MACROD1: variants seen among roughly 807,000 people sequenced by gnomAD.
MACROD1 encodes mono-ADP ribosylhydrolase 1, also known as ADP-ribose glycohydrolase MACROD1.
A neutral mutation model predicts 41.4 loss-of-function variants in MACROD1; 31 were observed. That is an observed-to-expected ratio of 0.75 (90% confidence interval 0.56 to 1.01). The LOEUF is 1.01. Ranked by LOEUF, MACROD1 falls within the 50% of genes least tolerant of loss-of-function variation. MACROD1 has a pLI of 0.00. For missense variants in MACROD1, 473 were observed against 460.0 expected (o/e 1.03, Z -0.26); for synonymous variants, 252 against 203.4 (o/e 1.24, Z -2.03).
intron 3 of MACROD1, among the ~76,000 whole-genome samples, chr11:64,016,156 C>A (rs1286797222): frequency 1.3e-5 from 2 of 152,154 alleles, no homozygotes; most frequent in Non-Finnish European, 2.9e-5. Flanking sequence ...CTCAGTCTGT[C>A]CGATCGGCTG....
At chr11:64,071,458 G>A (rs1015572182) in intron 3 of MACROD1, among the ~76,000 whole-genome samples, 3 of 152,168 alleles carry the variant, frequency 2.0e-5, no homozygotes, top group African/African-American at 4.8e-5. Flanking sequence ...GCCAGGGCTG[G>A]GGCTGGGCTG....
chr11:64,113,589 G>A (rs1196933480), intron 3 of MACROD1, among the ~76,000 whole-genome samples: 8 of 144,404 alleles, frequency 5.5e-5, no homozygotes, highest in African/African-American at 2.1e-4. Flanking sequence ...TAGCATGGAT[G>A]GATGGATGGT....
chr11:64,009,521 C>G (rs1023883333), intron 4 of MACROD1, among the ~76,000 whole-genome samples: 2 of 152,242 alleles, frequency 1.3e-5, no homozygotes, highest in African/African-American at 4.8e-5. Context: ...GAGCCAAGCC[C>G]TGAGTCCCAG....
At chr11:64,085,729 A>G (rs1944382365) in intron 3 of MACROD1, among the ~76,000 whole-genome samples, 1 of 152,158 alleles carries the variant, frequency 6.6e-6, no homozygotes, top group Admixed American at 6.5e-5. Context: ...CCCAGGAGGA[A>G]GTTCAGTGTT....
intron 3 of MACROD1, among the ~76,000 whole-genome samples, chr11:64,077,994 G>A (rs890054049): frequency 2.0e-5 from 3 of 152,162 alleles, no homozygotes; most frequent in Non-Finnish European, 4.4e-5. Flanking sequence ...CCTCCTCAGC[G>A]GGGGTCCCAG....
intron 3 of MACROD1, among the ~76,000 whole-genome samples, chr11:64,137,747 G>A (rs1433533247): frequency 6.6e-6 from 1 of 152,164 alleles, no homozygotes; most frequent in African/African-American, 2.4e-5. Flanking sequence ...GCCGTGACCA[G>A]GAACCAGGCA....
At chr11:64,105,692 A>T (rs1171959145) in intron 3 of MACROD1, among the ~76,000 whole-genome samples, 3 of 152,156 alleles carry the variant, frequency 2.0e-5, no homozygotes, top group African/African-American at 7.2e-5. Flanking sequence ...GGTGGAGAAG[A>T]GCGGCTCCCA....
At chr11:64,097,383 T>C (rs1215168283) in intron 3 of MACROD1, among the ~76,000 whole-genome samples, 1 of 151,938 alleles carries the variant, frequency 6.6e-6, no homozygotes, top group Non-Finnish European at 1.5e-5. Flanking sequence ...AGGAAGAAAA[T>C]AAAGAAGGGG....
At position 64,159,871 on chromosome 11, in the gene MACROD1, G is replaced by A. The variant is rs560755182; in HGVS notation, c.298+5826C>T. Among the ~76,000 whole-genome samples the A allele has an allele frequency of 2.0e-5, 3 of 152,318 alleles. No individual in the cohort carries two copies. The East Asian group carries it at 5.8e-4, about 29-fold the overall frequency. ...CTGGCTAGTAAAATCAGACACTGCTGAAGTGTCCCCAAAAGACTGAAAGTC... is the reference window on the plus strand; with the variant it reads ...CTGGCTAGTAAAATCAGACACTGCTAAAGTGTCCCCAAAAGACTGAAAGTC... On this transcript the variant is annotated intron_variant, in intron 1 of 10. Transcript: ENST00000255681.
chr11:64,116,326 C>A (rs773843602), intron 3 of MACROD1: 2 of 1,610,214 alleles, frequency 1.2e-6, no homozygotes, highest in Non-Finnish European at 1.7e-6. Context: ...ACTGTCACGG[C>A]CACCGTTGTG....
At chr11:64,061,401 GA>G (rs1490309288) in intron 3 of MACROD1, among the ~76,000 whole-genome samples, 1 of 152,170 alleles carries the variant, frequency 6.6e-6, no homozygotes, top group Admixed American at 6.5e-5. Context: ...GGCCCGCCCA[GA>G]CCCCAGGCCG....
chr11:64,007,435 A>C (rs2134327813), intron 4 of MACROD1, among the ~76,000 whole-genome samples: 1 of 152,284 alleles, frequency 6.6e-6, no homozygotes, highest in Non-Finnish European at 1.5e-5. Context: ...TGGCTTTGGA[A>C]GGAGATGGGG....
At chr11:64,091,523 C>T (rs1944490556) in intron 3 of MACROD1, among the ~76,000 whole-genome samples, 1 of 152,056 alleles carries the variant, frequency 6.6e-6, no homozygotes, top group Admixed American at 6.5e-5. Flanking sequence ...TGGGTTACAA[C>T]AGTAGCTGAG....
At chr11:64,032,002 A>G (rs1943302319) in intron 3 of MACROD1, among the ~76,000 whole-genome samples, 1 of 152,128 alleles carries the variant, frequency 6.6e-6, no homozygotes, top group Non-Finnish European at 1.5e-5. Context: ...AACATCTGCA[A>G]TTTGTCCTTG....
chr11:64,032,890 T>C (rs1943312608), intron 3 of MACROD1, among the ~76,000 whole-genome samples: 1 of 152,188 alleles, frequency 6.6e-6, no homozygotes, highest in Non-Finnish European at 1.5e-5. Flanking sequence ...TCTAAGACCC[T>C]GCACACCCAT....
chr11:64,033,487 A>G (rs1943320466), intron 3 of MACROD1, among the ~76,000 whole-genome samples: 1 of 152,170 alleles, frequency 6.6e-6, no homozygotes, highest in Admixed American at 6.5e-5. Flanking sequence ...CCTGGGCTCA[A>G]GTGATCCTCT....
chr11:64,135,890 T>C (rs1388178353), intron 3 of MACROD1, among the ~76,000 whole-genome samples: 1 of 152,064 alleles, frequency 6.6e-6, no homozygotes, highest in Non-Finnish European at 1.5e-5. Flanking sequence ...CTGCCCTCTC[T>C]CCCCTTCCCC....
chr11:64,072,434 A>AAAC lies in MACROD1; in HGVS notation c.518-57154_518-57153insGTT, dbSNP rs1555017751. ...TGATCCGGCTCATTTAAAAAAAAAA[A>AAAC]AATAATAATTACATAACATTGGATA... On this transcript the variant is annotated intron_variant, in intron 3 of 10. Transcript: ENST00000255681. Among the ~76,000 whole-genome samples the AAAC allele has an allele frequency of 2.0e-3, 299 of 152,266 alleles. 1 individual carries two copies. The South Asian group carries it at 0.024, about 12-fold the overall frequency.
At chr11:64,040,372 G>A (rs1193673632) in intron 3 of MACROD1, among the ~76,000 whole-genome samples, 2 of 152,178 alleles carry the variant, frequency 1.3e-5, no homozygotes, top group East Asian at 1.9e-4. Context: ...AGGATGGATG[G>A]AGAGGGCTGC....
Sources: gnomAD v4.1 joint callset for allele counts (sites outside exome capture counted in the v4.1 genomes callset) on GRCh38, gnomAD v4.1.1 for gene constraint, MANE v1.5 for transcripts, NCBI Gene and HGNC (gene_info 2026-07-23, HGNC 2026-07-21) for gene names.